Variants in VEPH1 observed in about 807,000 individuals in gnomAD.
VEPH1 encodes ventricular zone expressed PH domain containing 1, also known as ventricular zone-expressed PH domain-containing protein homolog 1.
A neutral mutation model predicts 85.2 loss-of-function variants in VEPH1; 80 were observed. That is an observed-to-expected ratio of 0.94 (90% CI 0.78 to 1.13). VEPH1 has a LOEUF of 1.13. Ranked by LOEUF, VEPH1 falls within the 50% of genes most tolerant of loss-of-function variation. The pLI, the probability that VEPH1 is intolerant of heterozygous loss-of-function variation, is 0.00. For synonymous variants in VEPH1, 297 were observed against 348.0 expected, an observed-to-expected ratio of 0.85 and a Z score of 1.63; for missense variants, 955 against 980.5, an observed-to-expected ratio of 0.97 and a Z score of 0.35.
At chr3:157,264,481 A>G (rs969363848) in intron 13 of VEPH1, among the ~76,000 whole-genome samples, 1 of 152,176 alleles carries the variant, frequency 6.6e-6, no homozygotes, top group Non-Finnish European at 1.5e-5. Context: ...TTCCATTTCT[A>G]TGGAGATCCC....
intron 9 of VEPH1, among the ~76,000 whole-genome samples, chr3:157,354,352 C>G (rs1188974584): frequency 6.6e-6 from 1 of 152,204 alleles, no homozygotes; most frequent in African/African-American, 2.4e-5. Context: ...CTAGTCTTAT[C>G]TGTCTCATCC....
chr3:157,380,960 T>A (rs1560013029), intron 7 of VEPH1, among the ~76,000 whole-genome samples, 196 bp downstream of exon 7: 3 of 152,246 alleles, frequency 2.0e-5, no homozygotes, highest in African/African-American at 7.2e-5. Context: ...ACCTTTTAAA[T>A]TTATTGTTTT....
chr3:157,495,647 T>C (rs566527291), intron 1 of VEPH1, 141 bp from the exon 2 acceptor site: 2 of 300,824 alleles, frequency 6.6e-6, no homozygotes, highest in African/African-American at 4.3e-5. Flanking sequence ...GGCTTAATGA[T>C]CTTTAAATGA....
intron 11 of VEPH1, among the ~76,000 whole-genome samples, chr3:157,290,807 G>A (rs2321743): frequency 0.45 from 68,659 of 151,940 alleles, 16,404 homozygotes; most frequent in Admixed American, 0.59. Context: ...GCATTTCTCC[G>A]GTTTTAGAAA....
chr3:157,436,117 A>G (rs1044994161), intron 4 of VEPH1, among the ~76,000 whole-genome samples: 9 of 152,110 alleles, frequency 5.9e-5, no homozygotes, highest in Non-Finnish European at 1.0e-4. Flanking sequence ...TCTCTACTAA[A>G]AATACAAAAA....
intron 9 of VEPH1, among the ~76,000 whole-genome samples, chr3:157,327,932 C>A (rs1448719147): frequency 3.9e-5 from 6 of 152,184 alleles, no homozygotes; most frequent in Admixed American, 2.6e-4. Context: ...AAGCCAACTT[C>A]TCTGATCCCT....
intron 4 of VEPH1, among the ~76,000 whole-genome samples, chr3:157,452,701 A>G (rs11927845): frequency 1.3e-3 from 196 of 152,358 alleles, no homozygotes; most frequent in African/African-American, 4.4e-3. Flanking sequence ...GAAAATAAAA[A>G]TACAATAGTG....
intron 4 of VEPH1, among the ~76,000 whole-genome samples, chr3:157,448,608 T>C (rs1351091067): frequency 6.6e-6 from 1 of 152,224 alleles, no homozygotes; most frequent in Non-Finnish European, 1.5e-5. Flanking sequence ...CACTAAGCAT[T>C]GGTTGTGCTT....
intron 12 of VEPH1, among the ~76,000 whole-genome samples, chr3:157,280,014 CA>C (rs369384376): frequency 0.13 from 13,905 of 109,918 alleles, 733 homozygotes; most frequent in South Asian, 0.33. Flanking sequence ...GACTCTGTTT[CA>C]AAAAAAAAAA....
chr3:157,265,253 G>C (rs1444195043), intron 13 of VEPH1, among the ~76,000 whole-genome samples: 1 of 152,158 alleles, frequency 6.6e-6, no homozygotes, highest in Non-Finnish European at 1.5e-5. Context: ...GAAACAAAGG[G>C]CACGGTGTCT....
chr3:157,347,061 A>C (rs1190670197), intron 9 of VEPH1, among the ~76,000 whole-genome samples: 1 of 152,244 alleles, frequency 6.6e-6, no homozygotes, highest in African/African-American at 2.4e-5. Context: ...TTAAGCATTC[A>C]ATGTACATTT....
At chr3:157,451,648 G>A (rs1276471597) in intron 4 of VEPH1, among the ~76,000 whole-genome samples, 1 of 152,140 alleles carries the variant, frequency 6.6e-6, no homozygotes, top group African/African-American at 2.4e-5. Context: ...GGCACAGGAT[G>A]CAAATGGATG....
At chr3:157,286,995 G>T (rs1716865783) in intron 11 of VEPH1, among the ~76,000 whole-genome samples, 1 of 152,166 alleles carries the variant, frequency 6.6e-6, no homozygotes, top group Non-Finnish European at 1.5e-5. Context: ...AAAAAGAAGG[G>T]ATATCCAAGT....
chr3:157,348,599 G>A (rs1228121005), intron 9 of VEPH1, among the ~76,000 whole-genome samples: 3 of 152,120 alleles, frequency 2.0e-5, no homozygotes, highest in Non-Finnish European at 1.5e-5. Context: ...AAATCAGATT[G>A]TTAGATCAAC....
chr3:157,336,071 A>T (rs1047670730), intron 9 of VEPH1, among the ~76,000 whole-genome samples: 16 of 152,170 alleles, frequency 1.1e-4, no homozygotes, highest in African/African-American at 3.6e-4. Context: ...ATAGCTCCTC[A>T]TCAATGAGTA....
intron 11 of VEPH1, among the ~76,000 whole-genome samples, chr3:157,308,689 A>T (rs1719782592): frequency 6.6e-6 from 1 of 152,148 alleles, no homozygotes; most frequent in African/African-American, 2.4e-5. Flanking sequence ...GAACTCAGTT[A>T]AAGTGCTAAT....
chr3:157,371,337 T>G (rs996917423), intron 7 of VEPH1, among the ~76,000 whole-genome samples: 1 of 152,190 alleles, frequency 6.6e-6, no homozygotes, highest in Non-Finnish European at 1.5e-5. Flanking sequence ...AATGAAAATA[T>G]AAAAGCCATG....
At chr3:157,362,480 C>T (rs1195932957) in intron 9 of VEPH1, among the ~76,000 whole-genome samples, 1 of 152,130 alleles carries the variant, frequency 6.6e-6, no homozygotes, top group Non-Finnish European at 1.5e-5. Flanking sequence ...TTTAAGCCAC[C>T]TCCTGACTAT....
At chr3:157,440,292 T>C (rs1734017523) in intron 4 of VEPH1, among the ~76,000 whole-genome samples, 1 of 152,244 alleles carries the variant, frequency 6.6e-6, no homozygotes, top group Non-Finnish European at 1.5e-5. Flanking sequence ...GTTACTTTTA[T>C]ATGATTATCT....
Sources: gnomAD v4.1 joint callset for allele counts (sites outside exome capture counted in the v4.1 genomes callset) on GRCh38, gnomAD v4.1.1 for gene constraint, MANE v1.5 for transcripts, NCBI Gene and HGNC (gene_info 2026-07-23, HGNC 2026-07-21) for gene names.